The following CFH variants were observed in gnomAD, a reference collection of about 807,000 sequenced individuals.
The protein encoded by CFH is H factor 1 (complement).
A neutral mutation model predicts 147.3 loss-of-function variants in CFH; 53 were observed. The observed-to-expected ratio is 0.36, with a 90% CI of 0.29 to 0.45. CFH has a LOEUF of 0.45. CFH is among the 20% of genes least tolerant of loss of function. The pLI is 1.00. For missense variants in CFH, 1,380 were observed against 1,498.0 expected (o/e 0.92, Z 1.30); for synonymous variants, 536 against 489.4 (o/e 1.10, Z -1.26).
chr1:196,655,814 T>C (rs1666666944), intron 1 of CFH, among the ~76,000 whole-genome samples: 1 of 152,154 alleles, frequency 6.6e-6, no homozygotes, highest in Non-Finnish European at 1.5e-5. Context: ...GACAAAAAAG[T>C]ATTGCATTTT....
intron 9 of CFH, among the ~76,000 whole-genome samples, chr1:196,700,141 C>G (rs921172541): frequency 6.6e-6 from 1 of 152,128 alleles, no homozygotes; most frequent in Admixed American, 6.6e-5. Flanking sequence ...ATTTCAGCCC[C>G]CTTACCCGAA....
intron 11 of CFH, among the ~76,000 whole-genome samples, chr1:196,721,504 C>T (rs2149106398): frequency 6.6e-6 from 1 of 152,080 alleles, no homozygotes; most frequent in East Asian, 1.9e-4. Flanking sequence ...ATGTTCCATG[C>T]ACAGGTGAGA....
Position 196,747,368 on chromosome 1 carries a change from C to G in CFH, c.*55C>G. 6.2e-7 allele frequency: 1 copy of G among 1,607,722 alleles called. No individual in the cohort carries two copies. Among genetic ancestry groups the G allele is most frequent in the Non-Finnish European group, 8.5e-7 (1 of 1,174,786 alleles). On this transcript the variant is annotated 3_prime_UTR_variant, in exon 22 of 22. Coordinates refer to ENST00000367429, the MANE Select transcript of CFH (RefSeq NM_000186.4). ...AGAACTTTAGTATTAAATCAGTTCT[C>G]AATTTCATTTTTTATGTATTGTTTT...
At chr1:196,710,552 C>T (rs35617250) in intron 9 of CFH, among the ~76,000 whole-genome samples, 29,834 of 151,896 alleles carry the variant, frequency 0.2, 3,190 homozygotes, top group Middle Eastern at 0.33. Flanking sequence ...TTTTCAACTT[C>T]TCTTATCTTT....
intron 21 of CFH, among the ~76,000 whole-genome samples, chr1:196,746,623 C>A (rs1653013500): frequency 6.6e-6 from 1 of 152,058 alleles, no homozygotes; most frequent in Admixed American, 6.6e-5. Context: ...CTATGCTTAG[C>A]ATTGGGTGTA....
At chr1:196,733,187 G>T (rs1185295177) in intron 15 of CFH, among the ~76,000 whole-genome samples, 1 of 151,998 alleles carries the variant, frequency 6.6e-6, no homozygotes, top group Non-Finnish European at 1.5e-5. Context: ...CTTTGGCTGC[G>T]GGAAGATTAT....
At chr1:196,667,721 T>G (rs1194431235) in intron 1 of CFH, among the ~76,000 whole-genome samples, 1 of 152,188 alleles carries the variant, frequency 6.6e-6, no homozygotes, top group East Asian at 1.9e-4. Context: ...TCTAGCATAT[T>G]GCTACTTACT....
intron 5 of CFH, chr1:196,678,838 A>C (rs905235446): frequency 6.6e-6 from 1 of 152,086 alleles, no homozygotes; most frequent in Non-Finnish European, 1.5e-5. Context: ...TAGGCACCTT[A>C]GTCTAGGATG....
intron 19 of CFH, 32 bp downstream of exon 19, chr1:196,742,083 A>G (rs533218029): frequency 9.3e-5 from 150 of 1,607,916 alleles, no homozygotes; most frequent in Non-Finnish European, 1.2e-4. Context: ...ATTTATTTAT[A>G]TAATGTGTGG....
intron 1 of CFH, among the ~76,000 whole-genome samples, chr1:196,662,211 G>A (rs570580187): frequency 6.6e-6 from 1 of 152,274 alleles, no homozygotes; most frequent in African/African-American, 2.4e-5. Flanking sequence ...CTCAATAACT[G>A]GGAATGCTGA....
intron 9 of CFH, among the ~76,000 whole-genome samples, chr1:196,705,817 T>C (rs530464024): frequency 6.6e-6 from 1 of 152,286 alleles, no homozygotes; most frequent in South Asian, 2.1e-4. Flanking sequence ...GGAACAGAAG[T>C]GGAGCTACTG....
intron 15 of CFH, among the ~76,000 whole-genome samples, chr1:196,735,767 A>G (rs1669386896): frequency 1.3e-5 from 2 of 152,134 alleles, no homozygotes; most frequent in Non-Finnish European, 1.5e-5. Flanking sequence ...CAAAATATTG[A>G]AAAACAGAAA....
In CFH at chr1:196,679,483, C is replaced by T. The variant is rs12127759; in HGVS notation, c.620-140C>T. 0.15 allele frequency: 84,727 copies of T among 562,402 alleles called. 7,263 individuals carry two copies. The highest frequency in any genetic ancestry group is 0.25 in the South Asian group (10,578 of 41,792). The allele number at this position is 562,402 out of a possible 1,614,324, so 34.8% of individuals were successfully genotyped here. A position where few individuals can be genotyped will look rare whatever the true frequency, so the allele number is the denominator to read the frequency against. Reference sequence around the variant, plus strand: ...TTCTTCAGATAAATCATTTATTAAGCGGTCAAGTCAAAACAGAACTTTTGT... The same window carrying T: ...TTCTTCAGATAAATCATTTATTAAGTGGTCAAGTCAAAACAGAACTTTTGT... On this transcript the variant is annotated intron_variant, in intron 5 of 21. Transcript: ENST00000367429.
chr1:196,733,052 G>C (rs1305259369), intron 15 of CFH, among the ~76,000 whole-genome samples: 1 of 152,050 alleles, frequency 6.6e-6, no homozygotes, highest in African/African-American at 2.4e-5. Flanking sequence ...TTGTTAAGGA[G>C]ACGATCTCTT....
intron 8 of CFH, 65 bp from the exon 9 acceptor site, chr1:196,689,998 T>C: frequency 2.1e-6 from 3 of 1,445,420 alleles, no homozygotes; most frequent in South Asian, 1.2e-5. Flanking sequence ...AATTGTAATA[T>C]ACTATTTTGA....
chr1:196,687,427 G>T (rs569649998), intron 7 of CFH, among the ~76,000 whole-genome samples: 1 of 152,120 alleles, frequency 6.6e-6, no homozygotes, highest in East Asian at 1.9e-4. Flanking sequence ...GCTCGAGCCT[G>T]TGGTAATGTT....
rs778035658 is a variant in CFH at position 196,745,941 on chromosome 1, G to C, written c.3435G>C (p.Glu1145Asp). The C allele has an allele frequency of 1.2e-6, 2 of 1,614,116 alleles. No individual in the cohort carries two copies. The highest frequency in any genetic ancestry group is 4.5e-5 in the East Asian group (2 of 44,866). ...AATGCCAGAACTTGTATCAACTTGA[G>C]GGTAACAAGCGAATAACATGTAGAA... ...EYQCQNLYQL[E>D]GNKRITCRNG... Residue 1145 changes from glutamate (E) to aspartate (D), a missense_variant, in exon 21 of 22, where the codon GAG becomes GAC. Coordinates refer to ENST00000367429, the MANE Select transcript of CFH (RefSeq NM_000186.4).
intron 14 of CFH, among the ~76,000 whole-genome samples, chr1:196,727,530 A>G (rs1048758187): frequency 6.6e-6 from 1 of 152,108 alleles, no homozygotes; most frequent in Non-Finnish European, 1.5e-5. Context: ...TTATCATATG[A>G]TTAAATATGA....
intron 1 of CFH, among the ~76,000 whole-genome samples, chr1:196,656,270 C>T (rs1324336752): frequency 6.7e-6 from 1 of 149,824 alleles, no homozygotes; most frequent in Non-Finnish European, 1.5e-5. Flanking sequence ...TGCCATTGCC[C>T]TTCAGCTTGG....
Sources: allele counts gnomAD v4.1 joint callset (sites outside exome capture counted in the v4.1 genomes callset), GRCh38; gene constraint gnomAD v4.1.1; transcripts MANE v1.5; gene names NCBI Gene and HGNC (gene_info 2026-07-23, HGNC 2026-07-21).